IKZF2: variants seen among roughly 807,000 people sequenced by gnomAD.
IKZF2 encodes IKAROS family zinc finger 2.
In IKZF2, 15 loss-of-function variants were observed where a neutral mutation model predicts 49.2. That is an observed-to-expected ratio of 0.30 (90% confidence interval 0.20 to 0.47). The LOEUF (loss-of-function observed/expected upper bound fraction) is 0.47, where lower values mean the gene tolerates loss of function less well. IKZF2 is among the 20% of genes least tolerant of loss of function. IKZF2 has a pLI of 1.00. For missense variants in IKZF2, 567 were observed against 664.6 expected, an observed-to-expected ratio of 0.85 and a Z score of 1.61; for synonymous variants, 227 against 221.4, an observed-to-expected ratio of 1.03 and a Z score of -0.23.
At chr2:213,052,718 G>A (rs1015024320) in intron 5 of IKZF2, among the ~76,000 whole-genome samples, 3 of 152,010 alleles carry the variant, frequency 2.0e-5, no homozygotes, top group Non-Finnish European at 4.4e-5. Context: ...AAATATAGAA[G>A]TAATATCCAT....
intron 5 of IKZF2, among the ~76,000 whole-genome samples, chr2:213,052,401 T>C (rs533526101): frequency 3.3e-5 from 5 of 152,100 alleles, no homozygotes; most frequent in Non-Finnish European, 7.4e-5. Context: ...CATTTTAATT[T>C]CAATAAGATA....
At position 213,119,789 on chromosome 2, in the gene IKZF2, A is replaced by C. The variant is rs185461062; in HGVS notation, c.139+27919T>G. Among the ~76,000 whole-genome samples, 659 of 152,302 alleles carry C rather than the reference A, an allele frequency of 4.3e-3. 1 individual carries two copies. Among genetic ancestry groups the C allele is most frequent in the Admixed American group, 0.011 (174 of 15,296 alleles). ...ATCCCTACCACATCCTGTGTGCATAAGGGCATGTGATATCAGATTAAAATT... is the reference window on the plus strand; with the variant it reads ...ATCCCTACCACATCCTGTGTGCATACGGGCATGTGATATCAGATTAAAATT... On this transcript the variant is annotated intron_variant, in intron 4 of 8. Transcript: ENST00000434687.
intron 6 of IKZF2, among the ~76,000 whole-genome samples, chr2:213,047,789 T>C (rs1182271216): frequency 6.6e-6 from 1 of 152,086 alleles, no homozygotes; most frequent in Admixed American, 6.6e-5. Context: ...TAGAAATACT[T>C]ACCTCATAAT....
At chr2:213,034,005 A>C (rs1435163057) in intron 6 of IKZF2, among the ~76,000 whole-genome samples, 2 of 152,236 alleles carry the variant, frequency 1.3e-5, no homozygotes, top group Non-Finnish European at 2.9e-5. Flanking sequence ...GAATTACTGT[A>C]GCCTCTACAT....
chr2:213,030,579 TG>T (rs752806419), intron 6 of IKZF2, among the ~76,000 whole-genome samples: 1 of 152,140 alleles, frequency 6.6e-6, no homozygotes, highest in Non-Finnish European at 1.5e-5. Flanking sequence ...AGATTTACAA[TG>T]TATATGAGCA....
At position 213,016,743 on chromosome 2, in the gene IKZF2, G is replaced by A. The variant is rs73989363; in HGVS notation, c.713-2809C>T. Reference sequence around the variant, plus strand: ...TTCCATTAGATCACTGTTTCATCACGTTGATAACCATAACGGCAAAACCAT... The same window carrying A: ...TTCCATTAGATCACTGTTTCATCACATTGATAACCATAACGGCAAAACCAT... On this transcript the variant is annotated intron_variant, in intron 7 of 8. Coordinates refer to ENST00000434687, the MANE Select transcript of IKZF2 (RefSeq NM_001387220.1). Among the ~76,000 whole-genome samples the A allele has an allele frequency of 1.2e-3, 190 of 152,150 alleles. 1 individual carries two copies. The highest frequency in any genetic ancestry group is 3.9e-3 in the African/African-American group (163 of 41,510).
intron 5 of IKZF2, among the ~76,000 whole-genome samples, chr2:213,055,088 A>AT (rs1346516053): frequency 6.6e-6 from 1 of 152,028 alleles, no homozygotes. Flanking sequence ...TTTTTAGTTT[A>AT]TTTTTTAGCT....
At chr2:213,036,881 G>A (rs1160149499) in intron 6 of IKZF2, among the ~76,000 whole-genome samples, 2 of 152,058 alleles carry the variant, frequency 1.3e-5, no homozygotes, top group Non-Finnish European at 2.9e-5. Flanking sequence ...CACAGATCAA[G>A]TAGGAAAAAT....
At chr2:213,100,388 T>A (rs781719015) in intron 4 of IKZF2, among the ~76,000 whole-genome samples, 8 of 152,032 alleles carry the variant, frequency 5.3e-5, no homozygotes, top group Non-Finnish European at 1.0e-4. Flanking sequence ...ATATTGACTA[T>A]TTTATAATAA....
chr2:213,070,154 C>G (rs978902197), intron 4 of IKZF2, among the ~76,000 whole-genome samples: 1 of 152,060 alleles, frequency 6.6e-6, no homozygotes, highest in African/African-American at 2.4e-5. Context: ...AAACTTCCAG[C>G]TGACACAAGA....
At chr2:213,125,445 T>C (rs77875757) in intron 4 of IKZF2, among the ~76,000 whole-genome samples, 8,308 of 152,192 alleles carry the variant, frequency 0.055, 747 homozygotes, top group African/African-American at 0.19. Flanking sequence ...ATGTCAAACA[T>C]ACGTAGATAC....
At chr2:213,116,800 CT>C (rs1475898346) in intron 4 of IKZF2, among the ~76,000 whole-genome samples, 1 of 152,192 alleles carries the variant, frequency 6.6e-6, no homozygotes, top group Non-Finnish European at 1.5e-5. Flanking sequence ...ACAATTATGA[CT>C]GCTTTAGCCC....
At chr2:213,016,094 A>C (rs190724811) in intron 7 of IKZF2, among the ~76,000 whole-genome samples, 3 of 152,194 alleles carry the variant, frequency 2.0e-5, no homozygotes, top group Non-Finnish European at 4.4e-5. Flanking sequence ...AGCCCTTTTC[A>C]TGTCAAAAAT....
At chr2:213,018,026 C>T (rs1696801713) in intron 7 of IKZF2, among the ~76,000 whole-genome samples, 1 of 152,082 alleles carries the variant, frequency 6.6e-6, no homozygotes. Flanking sequence ...AAAAGAACCT[C>T]CCTTTCCTAA....
chr2:213,145,302 C>T (rs1272755341), intron 4 of IKZF2, among the ~76,000 whole-genome samples: 2 of 151,826 alleles, frequency 1.3e-5, no homozygotes, highest in Admixed American at 1.3e-4. Context: ...TTCACATTTA[C>T]TTTTAGCTTT....
At chr2:213,079,416 C>G (rs7603654) in intron 4 of IKZF2, among the ~76,000 whole-genome samples, 1,870 of 44,776 alleles carry the variant, frequency 0.042, 60 homozygotes, top group African/African-American at 0.2. Flanking sequence ...AGGAAGGAAG[C>G]ATGGAAGGAA....
At chr2:213,120,191 C>A (rs942137246) in intron 4 of IKZF2, among the ~76,000 whole-genome samples, 2 of 152,076 alleles carry the variant, frequency 1.3e-5, no homozygotes, top group Admixed American at 1.3e-4. Flanking sequence ...CATAGTCTGC[C>A]CCAGAGGAGC....
chr2:213,020,373 T>G (rs142959986), intron 7 of IKZF2, among the ~76,000 whole-genome samples: 1 of 152,274 alleles, frequency 6.6e-6, no homozygotes, highest in Non-Finnish European at 1.5e-5. Context: ...ATTGGGCATT[T>G]ATTACATATC....
intron 4 of IKZF2, among the ~76,000 whole-genome samples, chr2:213,131,332 AAAC>A (rs1257122988): frequency 3.3e-5 from 5 of 152,208 alleles, no homozygotes; most frequent in Admixed American, 2.0e-4. Context: ...AGTTTATTAA[AAAC>A]AACATTAGAA....
Sources: allele counts gnomAD v4.1 joint callset (sites outside exome capture counted in the v4.1 genomes callset), GRCh38; gene constraint gnomAD v4.1.1; transcripts MANE v1.5; gene names NCBI Gene and HGNC (gene_info 2026-07-23, HGNC 2026-07-21).